Variants in EYS observed in about 807,000 individuals in gnomAD.
EYS encodes protein eyes shut homolog.
Under a neutral mutation model 282.1 loss-of-function variants are expected in EYS, and 250 were observed. That is an observed-to-expected ratio of 0.89 (90% CI 0.80 to 0.98). The LOEUF is 0.98. Among genes scored for constraint, EYS ranks in the 50% least tolerant of loss-of-function variants. EYS has a pLI of 0.00. For missense variants in EYS, 4,016 were observed against 3,709.0 expected (o/e 1.08, Z -2.15); for synonymous variants, 1,355 against 1,282.9 (o/e 1.06, Z -1.20).
At chr6:64,023,379 G>T (rs1461157716) in intron 33 of EYS, among the ~76,000 whole-genome samples, 2 of 152,210 alleles carry the variant, frequency 1.3e-5, no homozygotes, top group Non-Finnish European at 2.9e-5. Context: ...AATTGTGGGG[G>T]TCATATAGTA....
At chr6:64,000,217 A>C (rs1199254397) in intron 33 of EYS, among the ~76,000 whole-genome samples, 1 of 81,418 alleles carries the variant, frequency 1.2e-5, no homozygotes, top group Non-Finnish European at 2.2e-5. Flanking sequence ...TTTTAGACAG[A>C]GTCTCGCTCT....
intron 26 of EYS, among the ~76,000 whole-genome samples, chr6:64,524,924 A>G (rs1317929415): frequency 2.0e-5 from 3 of 151,860 alleles, no homozygotes; most frequent in Admixed American, 6.6e-5. Flanking sequence ...CATATGAAGA[A>G]AAACTCAATA....
chr6:65,699,782 T>C (rs1037976286), intron 1 of EYS, among the ~76,000 whole-genome samples: 2 of 152,126 alleles, frequency 1.3e-5, no homozygotes, highest in East Asian at 1.9e-4. Context: ...ATGAAGGCCA[T>C]GAACCAACCA....
intron 26 of EYS, among the ~76,000 whole-genome samples, chr6:64,588,937 A>G (rs1259213313): frequency 6.6e-6 from 1 of 152,106 alleles, no homozygotes; most frequent in East Asian, 1.9e-4. Flanking sequence ...AGTGAAAAGC[A>G]GCAAGATTAT....
intron 29 of EYS, 107 bp downstream of exon 29, chr6:64,388,583 C>G (rs1772987817): frequency 9.6e-7 from 1 of 1,046,272 alleles, no homozygotes; most frequent in African/African-American, 1.7e-5. Flanking sequence ...GCAGATGGCC[C>G]CACTAGCCAG....
chr6:65,615,394 ATATATATG>A (rs986509019), intron 2 of EYS, among the ~76,000 whole-genome samples: 2 of 146,882 alleles, frequency 1.4e-5, no homozygotes, highest in Non-Finnish European at 3.0e-5. Context: ...ATTTATATAT[ATATATATG>A]TGTGTGTATA....
intron 14 of EYS, among the ~76,000 whole-genome samples, chr6:64,988,594 A>G (rs1770946133): frequency 6.6e-6 from 1 of 151,096 alleles, no homozygotes. Flanking sequence ...TCACTCAGCA[A>G]TCTGCAATGT....
At chr6:64,829,593 C>T (rs9453076) in intron 19 of EYS, among the ~76,000 whole-genome samples, 44,157 of 151,756 alleles carry the variant, frequency 0.29, 6,816 homozygotes, top group African/African-American at 0.4. Flanking sequence ...AATCAGATAA[C>T]GATAGATCTG....
At chr6:65,587,531 T>G (rs1322655577) in intron 2 of EYS, among the ~76,000 whole-genome samples, 1 of 152,088 alleles carries the variant, frequency 6.6e-6, no homozygotes, top group Non-Finnish European at 1.5e-5. Context: ...CTTCCCCTTC[T>G]GCCGTGACTG....
chr6:65,602,296 G>T (rs1217021786), intron 2 of EYS, among the ~76,000 whole-genome samples: 2 of 151,640 alleles, frequency 1.3e-5, no homozygotes, highest in Non-Finnish European at 2.9e-5. Context: ...AAAGTTATTG[G>T]GTTATAATAG....
At chr6:64,037,044 C>G (rs115997281) in intron 33 of EYS, among the ~76,000 whole-genome samples, 1,781 of 152,208 alleles carry the variant, frequency 0.012, 21 homozygotes, top group East Asian at 0.036. Flanking sequence ...GAACACAAAA[C>G]TAGATCATAT....
chr6:64,137,964 G>C (rs1774217756), intron 31 of EYS, among the ~76,000 whole-genome samples: 1 of 152,124 alleles, frequency 6.6e-6, no homozygotes, highest in Non-Finnish European at 1.5e-5. Context: ...AATAAAGTGA[G>C]GCATGCCTGT....
chr6:64,318,403 T>C (rs1363730454), intron 29 of EYS, among the ~76,000 whole-genome samples: 2 of 152,008 alleles, frequency 1.3e-5, no homozygotes, highest in African/African-American at 4.8e-5. Flanking sequence ...TCAGTAGTAG[T>C]TACACAAAGT....
chr6:64,326,748 C>T (rs542677607), intron 29 of EYS, among the ~76,000 whole-genome samples: 2 of 152,126 alleles, frequency 1.3e-5, no homozygotes, highest in African/African-American at 2.4e-5. Flanking sequence ...GGAGAATGGC[C>T]CTCCTGCATT....
chr6:64,554,285 C>G (rs533578611), intron 26 of EYS, among the ~76,000 whole-genome samples: 11 of 152,102 alleles, frequency 7.2e-5, no homozygotes, highest in African/African-American at 2.6e-4. Context: ...AGAAATAACT[C>G]TAAATACTAA....
At chr6:65,257,832 G>T (rs1397277998) in intron 12 of EYS, among the ~76,000 whole-genome samples, 1 of 151,958 alleles carries the variant, frequency 6.6e-6, no homozygotes, top group Non-Finnish European at 1.5e-5. Flanking sequence ...TAGAATGATG[G>T]TTACTAGAGG....
At position 63,921,190 on chromosome 6, in the gene EYS, C is replaced by T. The variant is rs569843551; in HGVS notation, c.7056-56832G>A. 1.4e-4 allele frequency among the ~76,000 whole-genome samples: 22 copies of T among 152,342 alleles called. No individual in the cohort carries two copies. The South Asian group carries it at 3.5e-3, about 24-fold the overall frequency. On this transcript the variant is annotated intron_variant, in intron 35 of 42. Coordinates refer to ENST00000503581, the MANE Select transcript of EYS (RefSeq NM_001142800.2). ...GGATTACAGGCGTGAGCCACCGCGC[C>T]GGCCATGGGCTGTCTTCTTATCTGC... is the stretch of plus-strand genomic sequence containing the variant.
At chr6:64,121,060 T>C (rs1773571841) in intron 31 of EYS, among the ~76,000 whole-genome samples, 1 of 152,202 alleles carries the variant, frequency 6.6e-6, no homozygotes, top group Non-Finnish European at 1.5e-5. Context: ...TGCAGTTCTT[T>C]GCCATGTGCC....
At chr6:64,118,140 G>A (rs1773452453) in intron 31 of EYS, among the ~76,000 whole-genome samples, 1 of 152,018 alleles carries the variant, frequency 6.6e-6, no homozygotes, top group African/African-American at 2.4e-5. Flanking sequence ...CAGATTACAT[G>A]CAATCTCTAT....
Sources: gnomAD v4.1 joint callset for allele counts (sites outside exome capture counted in the v4.1 genomes callset) on GRCh38, gnomAD v4.1.1 for gene constraint, MANE v1.5 for transcripts, NCBI Gene and HGNC (gene_info 2026-07-23, HGNC 2026-07-21) for gene names.